The following TRIM34 variants were observed in gnomAD, a reference collection of about 807,000 sequenced individuals.
The protein encoded by TRIM34 is E3 ubiquitin-protein ligase TRIM34.
Under a neutral mutation model 38.1 loss-of-function variants are expected in TRIM34, and 41 were observed. That is an observed-to-expected ratio of 1.08 (90% CI 0.84 to 1.40). The LOEUF is 1.40. TRIM34 is among the 40% of genes most tolerant of loss of function. TRIM34 has a pLI of 0.00. For missense variants in TRIM34, 556 were observed against 571.4 expected, an observed-to-expected ratio of 0.97 and a Z score of 0.27; for synonymous variants, 200 against 202.5, an observed-to-expected ratio of 0.99 and a Z score of 0.10.
At chr11:5,638,666 A>G (rs1329172127) in intron 4 of TRIM34, among the ~76,000 whole-genome samples, 1 of 152,218 alleles carries the variant, frequency 6.6e-6, no homozygotes, top group Admixed American at 6.5e-5. Flanking sequence ...GTTTGACAAT[A>G]CGGCATAAGA....
Position 5,643,126 on chromosome 11 carries a change from T to TATATAGA in TRIM34, c.902-18_902-17insATATAGA, listed in dbSNP as rs59472811. ...TTATATTCATATACATATATATATA[T>TATATAGA]TTTTTTTTTTCTTGCAGTGGATGTC... is the stretch of plus-strand genomic sequence containing the variant. On this transcript the variant is annotated splice_polypyrimidine_tract_variant and intron_variant, in intron 7 of 7. Coordinates refer to ENST00000429814, the MANE Select transcript of TRIM34 (RefSeq NM_021616.6). 0.044 allele frequency: 48,557 copies of TATATAGA among 1,115,700 alleles called. 2,235 individuals carry two copies. Among genetic ancestry groups the TATATAGA allele is most frequent in the African/African-American group, 0.11 (6,423 of 56,236 alleles). The allele number at this position is 1,115,700 out of a possible 1,614,324, so 69.1% of individuals were successfully genotyped here.
chr11:5,620,312 G>T (rs1848943753), upstream of TRIM34, among the ~76,000 whole-genome samples: 1 of 151,244 alleles, frequency 6.6e-6, no homozygotes, highest in African/African-American at 2.4e-5. Context: ...CAAGTAACTG[G>T]GACTACAGGC....
chr11:5,634,587 A>C, intron 3 of TRIM34, 44 bp from the exon 4 acceptor site: 1 of 1,577,472 alleles, frequency 6.3e-7, no homozygotes. Flanking sequence ...AATAGGCCTT[A>C]GCCTGACAAA....
intron 7 of TRIM34, 86 bp from the exon 8 acceptor site, chr11:5,643,058 C>G (rs1373183052): frequency 7.8e-7 from 1 of 1,288,356 alleles, no homozygotes; most frequent in African/African-American, 1.5e-5. Context: ...CTAGATAAAC[C>G]TACTCCATAT....
intron 4 of TRIM34, among the ~76,000 whole-genome samples, chr11:5,637,431 A>T (rs185603908): frequency 1.3e-5 from 2 of 152,244 alleles, no homozygotes; most frequent in Admixed American, 1.3e-4. Context: ...ATTAGATGAG[A>T]TTTTAGGTTG....
chr11:5,624,294 G>A (rs1296507863), upstream of TRIM34, among the ~76,000 whole-genome samples: 1 of 152,188 alleles, frequency 6.6e-6, no homozygotes. Flanking sequence ...ACTGTGCACA[G>A]TTTGATGAGT....
At position 5,634,524 on chromosome 11, in the gene TRIM34, CACACACATAT is replaced by C. The variant is rs879112052; in HGVS notation, c.520-105_520-96del. On this transcript the variant is annotated intron_variant, in intron 3 of 7. Coordinates refer to ENST00000429814, the MANE Select transcript of TRIM34 (RefSeq NM_021616.6). ...ACACACACACACACACACACACACACACACACATATATATATATATATATTTCCCTACTGG... is the reference window on the plus strand; with the variant it reads ...ACACACACACACACACACACACACACATATATATATATATTTCCCTACTGG... 142 of 676,718 alleles carry C rather than the reference CACACACATAT, an allele frequency of 2.1e-4. No individual in the cohort carries two copies. In the South Asian group the frequency reaches 4.2e-3, roughly 20 times the overall value. The allele number at this position is 676,718 out of a possible 1,614,324, so 41.9% of individuals were successfully genotyped here. A position where few individuals can be genotyped will look rare whatever the true frequency, so the allele number is the denominator to read the frequency against.
At chr11:5,624,045 G>C (rs548529789), upstream of TRIM34, among the ~76,000 whole-genome samples, 2 of 152,108 alleles carry the variant, frequency 1.3e-5, no homozygotes, top group Admixed American at 6.5e-5. Flanking sequence ...CACAATGTGG[G>C]GTCATCCTGT....
chr11:5,628,051 C>T (rs939048425), intron 1 of TRIM34, among the ~76,000 whole-genome samples: 1 of 152,212 alleles, frequency 6.6e-6, no homozygotes, highest in Non-Finnish European at 1.5e-5. Context: ...CCCTTCTCTA[C>T]CTCCCTGACT....
Position 5,643,219 on chromosome 11 carries a change from T to C in TRIM34, c.977T>C (p.Val326Ala), listed in dbSNP as rs1477494087. ...GAAGATCAGAGACAAGTGATATCTGTGCCAATTTGGCCTTTTCAGTGTTAT... is the reference window on the plus strand; with the variant it reads ...GAAGATCAGAGACAAGTGATATCTGCGCCAATTTGGCCTTTTCAGTGTTAT... ...LSEDQRQVIS[V>A]PIWPFQCYNY... The change falls in exon 8 of 8, where the codon GTG becomes GCG. Residue 326 changes from valine to alanine, a missense_variant. Physicochemically the swap from Val to Ala is moderately conservative, Grantham distance 64. Coordinates refer to ENST00000429814, the MANE Select transcript of TRIM34 (RefSeq NM_021616.6). 1 of 1,613,560 alleles carries C rather than the reference T, an allele frequency of 6.2e-7. No individual in the cohort carries two copies.
chr11:5,620,303 A>G (rs922950115), upstream of TRIM34, among the ~76,000 whole-genome samples: 5 of 147,070 alleles, frequency 3.4e-5, no homozygotes, highest in Admixed American at 2.1e-4. Context: ...TCAACCTCCC[A>G]AGTAACTGGG....
chr11:5,631,115 G>A (rs1193277307), intron 1 of TRIM34, among the ~76,000 whole-genome samples: 1 of 152,144 alleles, frequency 6.6e-6, no homozygotes, highest in Non-Finnish European at 1.5e-5. Flanking sequence ...TGATCTATGT[G>A]TAATTCAGCT....
In TRIM34 at chr11:5,633,721, A is replaced by G. The variant is rs182154778; in HGVS notation, c.424-83A>G. On this transcript the variant is annotated intron_variant, in intron 2 of 7. Coordinates refer to ENST00000429814, the MANE Select transcript of TRIM34 (RefSeq NM_021616.6). ...CTGTAAATTGCTTTTTTCTGGGATC[A>G]ACTTGATTTTTTCCCTGTTTGTCCT... is the stretch of plus-strand genomic sequence containing the variant. 1.1e-5 allele frequency: 15 copies of G among 1,398,548 alleles called. No homozygotes were observed. The Admixed American group carries it at 3.2e-4, about 30-fold the overall frequency. 86.6% of individuals were successfully genotyped at this position (1,398,548 alleles called of 1,614,324 possible). A position where few individuals can be genotyped will look rare whatever the true frequency, so the allele number is the denominator to read the frequency against.
chr11:5,638,093 C>T (rs1452971467), intron 4 of TRIM34, among the ~76,000 whole-genome samples: 1 of 152,166 alleles, frequency 6.6e-6, no homozygotes, highest in East Asian at 1.9e-4. Context: ...TCCTTACATC[C>T]CTACCAGCCA....
At chr11:5,624,818 A>G (rs984556613), upstream of TRIM34, 16 of 152,156 alleles carry the variant, frequency 1.1e-4, no homozygotes, top group African/African-American at 3.9e-4. Context: ...CTGGATTAAG[A>G]GCATTACCTT....
At chr11:5,639,343 A>C (rs993308205) in intron 4 of TRIM34, among the ~76,000 whole-genome samples, 5 of 152,154 alleles carry the variant, frequency 3.3e-5, no homozygotes, top group African/African-American at 1.2e-4. Flanking sequence ...GACAATGATT[A>C]GATATAAAGG....
In TRIM34 at chr11:5,632,483, G is replaced by A. The variant is rs1431082973; in HGVS notation, c.152G>A (p.Gly51Glu). ...VSNKEAVTSM[G>E]GKSSCPVCGI... Reference sequence around the variant, plus strand: ...AACAAGGAGGCAGTGACCAGCATGGGAGGAAAAAGCAGCTGTCCTGTGTGT... The same window carrying A: ...AACAAGGAGGCAGTGACCAGCATGGAAGGAAAAAGCAGCTGTCCTGTGTGT... The change falls in exon 2 of 8, where the codon GGA becomes GAA. Residue 51 changes from glycine (G) to glutamate (E), a missense_variant. Gly to Glu is a moderately conservative substitution (Grantham distance 98). Coordinates refer to ENST00000429814, the MANE Select transcript of TRIM34 (RefSeq NM_021616.6). 22 of 1,613,960 alleles carry A rather than the reference G, an allele frequency of 1.4e-5. No individual in the cohort carries two copies. Among genetic ancestry groups the A allele is most frequent in the Non-Finnish European group, 1.9e-5 (22 of 1,180,026 alleles).
chr11:5,628,854 C>T (rs1012035730), intron 1 of TRIM34, among the ~76,000 whole-genome samples: 1 of 151,812 alleles, frequency 6.6e-6, no homozygotes, highest in Admixed American at 6.6e-5. Context: ...CTATTCCTCT[C>T]TCCTAGCTTC....
intron 4 of TRIM34, among the ~76,000 whole-genome samples, chr11:5,636,447 G>T (rs904857786): frequency 7.2e-5 from 11 of 152,186 alleles, no homozygotes; most frequent in Admixed American, 6.5e-4. Flanking sequence ...TGCAATGACG[G>T]TTGCACTACA....
Sources: gnomAD v4.1 joint callset for allele counts (sites outside exome capture counted in the v4.1 genomes callset) on GRCh38, gnomAD v4.1.1 for gene constraint, MANE v1.5 for transcripts, NCBI Gene and HGNC (gene_info 2026-07-23, HGNC 2026-07-21) for gene names.